The following PRSS23 variants were observed in gnomAD, a reference collection of about 807,000 sequenced individuals.
PRSS23 encodes the protein serine protease 23, also known as protease, serine 23.
Under a neutral mutation model 34.7 loss-of-function variants are expected in PRSS23, and 25 were observed. The ratio of observed to expected loss-of-function variants is 0.72; its 90% CI spans 0.53 to 1.01. The LOEUF is 1.01. Ranked by LOEUF, PRSS23 falls within the 50% of genes least tolerant of loss-of-function variation. The pLI, the probability that PRSS23 is intolerant of heterozygous loss-of-function variation, is 0.00. For synonymous variants in PRSS23, 176 were observed against 186.6 expected, an observed-to-expected ratio of 0.94 and a Z score of 0.46; for missense variants, 445 against 475.6, an observed-to-expected ratio of 0.94 and a Z score of 0.60.
rs1948144954 is a variant in PRSS23, at chr11:86,808,949, A to G, written c.*154A>G. On this transcript the variant is annotated 3_prime_UTR_variant, in exon 2 of 2. Transcript: ENST00000280258. Reference sequence around the variant, plus strand: ...TCTTTTACCTATTTCTTACAATTGCAAGATGACTGGCTTTACTATTTGAAA... The same window carrying G: ...TCTTTTACCTATTTCTTACAATTGCGAGATGACTGGCTTTACTATTTGAAA... The G allele has an allele frequency of 1.1e-5, 7 of 652,462 alleles. No homozygotes were observed. The East Asian group carries it at 2.0e-4, about 18-fold the overall frequency. 40.4% of individuals were successfully genotyped at this position (652,462 alleles called of 1,614,324 possible). A position where few individuals can be genotyped will look rare whatever the true frequency, so the allele number is the denominator to read the frequency against.
At chr11:86,939,721 T>C (rs1350766925) in intron 2 of PRSS23, among the ~76,000 whole-genome samples, 1 of 149,286 alleles carries the variant, frequency 6.7e-6, no homozygotes, top group Admixed American at 6.9e-5. Flanking sequence ...GTTAGCTAAA[T>C]GCTGATGTAA....
intron 2 of PRSS23, among the ~76,000 whole-genome samples, chr11:86,859,736 GAT>G (rs760575330): frequency 1.3e-5 from 2 of 151,820 alleles, no homozygotes; most frequent in Non-Finnish European, 2.9e-5. Flanking sequence ...GGGAGAGAAT[GAT>G]ATAACTCCCA....
At chr11:86,822,814 C>T (rs1948263147) in intron 1 of PRSS23, among the ~76,000 whole-genome samples, 1 of 152,090 alleles carries the variant, frequency 6.6e-6, no homozygotes, top group Non-Finnish European at 1.5e-5. Flanking sequence ...GAATTTGAGA[C>T]CTTGTATCAA....
chr11:86,872,322 A>G (rs1397262310), intron 2 of PRSS23, among the ~76,000 whole-genome samples: 1 of 152,254 alleles, frequency 6.6e-6, no homozygotes, highest in Non-Finnish European at 1.5e-5. Context: ...TTTTCCAAAT[A>G]TAAATACCAC....
chr11:86,840,231 G>C (rs931009239), intron 2 of PRSS23, among the ~76,000 whole-genome samples: 7 of 152,048 alleles, frequency 4.6e-5, no homozygotes, highest in African/African-American at 2.4e-5. Flanking sequence ...ATGCACATAG[G>C]CTCAAAATAA....
Position 86,810,701 on chromosome 11 carries a change from T to C in PRSS23, c.*1906T>C, listed in dbSNP as rs1486184771. The stretch of plus-strand genomic sequence containing the variant: ...ACCTTGATTCCTTGATTTTGATTTT[T>C]TGCAAAGTTAGACAATGGCACAAAG... On this transcript the variant is annotated 3_prime_UTR_variant, in exon 2 of 2. Coordinates refer to ENST00000280258, the MANE Select transcript of PRSS23 (RefSeq NM_007173.6). 1 of 167,078 alleles carries C rather than the reference T, an allele frequency of 6.0e-6. No individual in the cohort carries two copies. Among genetic ancestry groups the C allele is most frequent in the Non-Finnish European group, 1.5e-5 (1 of 68,116 alleles). The allele number at this position is 167,078 out of a possible 1,614,324, so 10.3% of individuals were successfully genotyped here.
chr11:86,793,927 C>T (rs1947966061), intron 1 of PRSS23, among the ~76,000 whole-genome samples: 1 of 151,974 alleles, frequency 6.6e-6, no homozygotes, highest in East Asian at 1.9e-4. Context: ...TAATACAACC[C>T]TCTAAAAAAC....
intron 2 of PRSS23, among the ~76,000 whole-genome samples, chr11:86,883,104 A>G (rs1165662035): frequency 1.3e-5 from 2 of 152,108 alleles, no homozygotes; most frequent in Non-Finnish European, 2.9e-5. Context: ...TGGATATTAG[A>G]CCTTTGTCAG....
chr11:86,939,426 A>ATATTTTTTTTT lies in PRSS23; in HGVS notation c.207-11789_207-11788insATTTTTTTTTT. Among the ~76,000 whole-genome samples, 137 of 94,058 alleles carry ATATTTTTTTTT rather than the reference A, an allele frequency of 1.5e-3. 1 individual carries two copies. Among genetic ancestry groups the ATATTTTTTTTT allele is most frequent in the East Asian group, 8.3e-3 (28 of 3,376 alleles). The allele number at this position is 94,058 out of a possible 152,430, so 61.7% of individuals were successfully genotyped here. On this transcript the variant is annotated intron_variant, in intron 2 of 2. Transcript: ENST00000533902. ...AAAATATATATATATATATATATATATTTTTTAACATGAGTAAAAATTGCA... is the reference window on the plus strand; with the variant it reads ...AAAATATATATATATATATATATATATATTTTTTTTTTTTTTTAACATGAGTAAAAATTGCA...
At chr11:86,941,591 C>T (rs746813499) in intron 2 of PRSS23, among the ~76,000 whole-genome samples, 3 of 152,218 alleles carry the variant, frequency 2.0e-5, no homozygotes, top group Non-Finnish European at 4.4e-5. Context: ...CACTTTTGGA[C>T]TCCAAGTTGG....
chr11:86,863,683 T>C (rs777039592), intron 2 of PRSS23, among the ~76,000 whole-genome samples: 20 of 152,316 alleles, frequency 1.3e-4, no homozygotes, highest in South Asian at 2.1e-4. Context: ...CTTACCAGAT[T>C]TTCCTGGACC....
In PRSS23 at chr11:86,895,721, C is replaced by T. The variant is rs371693201; in HGVS notation, c.207-55495C>T. 6.6e-5 allele frequency among the ~76,000 whole-genome samples: 10 copies of T among 152,234 alleles called. No homozygotes were observed. The East Asian group carries it at 1.9e-3, about 29-fold the overall frequency. On this transcript the variant is annotated intron_variant, in intron 2 of 2. Coordinates refer to the PRSS23 transcript ENST00000533902. The stretch of plus-strand genomic sequence containing the variant: ...TCTCGAACTCCTGGGCTCAAGTGAT[C>T]GGCCCACTTTGGCTGCCCAAAGTGC...
At chr11:86,794,044 A>G (rs1428909270) in intron 1 of PRSS23, among the ~76,000 whole-genome samples, 2 of 152,152 alleles carry the variant, frequency 1.3e-5, no homozygotes, top group African/African-American at 4.8e-5. Flanking sequence ...GTAAAGGAGA[A>G]ACCTCATAAA....
chr11:86,886,024 T>C (rs57031779), intron 2 of PRSS23, among the ~76,000 whole-genome samples: 224 of 152,324 alleles, frequency 1.5e-3, no homozygotes, highest in African/African-American at 5.3e-3. Flanking sequence ...AAGTGATTAC[T>C]CTCTGACAAG....
At chr11:86,874,381 G>A (rs1453308065) in intron 2 of PRSS23, among the ~76,000 whole-genome samples, 3 of 152,162 alleles carry the variant, frequency 2.0e-5, no homozygotes, top group Non-Finnish European at 1.5e-5. Flanking sequence ...AATATAAATA[G>A]GTCCCAAATA....
In PRSS23 at chr11:86,944,448, C is replaced by A. The variant is rs188082497; in HGVS notation, c.207-6768C>A. ...AGTATAAAACAAAAACAAAAGAAAA[C>A]CCTGTATAAAATAAAAATACAACCA... On this transcript the variant is annotated intron_variant, in intron 2 of 2. Transcript: ENST00000533902. Among the ~76,000 whole-genome samples, 124 of 152,124 alleles carry A rather than the reference C, an allele frequency of 8.2e-4. 1 individual carries two copies. The highest frequency in any genetic ancestry group is 1.4e-3 in the Non-Finnish European group (93 of 67,998).
chr11:86,951,410 G>T (rs757405807), exon 3 of PRSS23: 2 of 1,612,344 alleles, frequency 1.2e-6, no homozygotes, highest in Non-Finnish European at 1.7e-6. Context: ...AATCACACAC[G>T]TTGCAGGAAC....
intron 2 of PRSS23, among the ~76,000 whole-genome samples, chr11:86,838,770 T>G (rs1030690683): frequency 6.6e-6 from 1 of 152,072 alleles, no homozygotes; most frequent in Non-Finnish European, 1.5e-5. Flanking sequence ...AGATGAAGCT[T>G]CCAGAGGAAA....
intron 2 of PRSS23, among the ~76,000 whole-genome samples, chr11:86,884,544 C>T (rs1381457420): frequency 6.6e-6 from 1 of 152,192 alleles, no homozygotes; most frequent in African/African-American, 2.4e-5. Flanking sequence ...AGGTGATCTG[C>T]CCCCAACCTG....
Sources: allele counts gnomAD v4.1 joint callset (sites outside exome capture counted in the v4.1 genomes callset), GRCh38; gene constraint gnomAD v4.1.1; transcripts MANE v1.5; gene names NCBI Gene and HGNC (gene_info 2026-07-23, HGNC 2026-07-21).